Variants in OCA2 observed in about 807,000 individuals in gnomAD.
OCA2 encodes the protein OCA2 melanosomal transmembrane protein, also known as P protein.
OCA2 carries 77 observed loss-of-function variants against 100.2 expected under a neutral mutation model. That is an observed-to-expected ratio of 0.77 (90% CI 0.64 to 0.93). The LOEUF (loss-of-function observed/expected upper bound fraction) is 0.93, where lower values mean the gene tolerates loss of function less well. OCA2 is among the 40% of genes least tolerant of loss of function. OCA2 has a pLI of 0.00. For missense variants in OCA2, 1,062 were observed against 1,089.1 expected (o/e 0.98, Z 0.35); for synonymous variants, 432 against 439.2 (o/e 0.98, Z 0.21).
chr15:27,735,438 G>A, the OCA2 span, among the ~76,000 whole-genome samples: 65,372 of 151,906 alleles, frequency 0.43, 15,417 homozygotes, highest in Non-Finnish European at 0.53. Context: ...AAGGTAGAAA[G>A]GATATTTAAA....
At chr15:27,804,574 A>G (rs2033747673) in intron 23 of OCA2, among the ~76,000 whole-genome samples, 1 of 152,212 alleles carries the variant, frequency 6.6e-6, no homozygotes, top group Admixed American at 6.5e-5. Context: ...CATTATTTAC[A>G]CTGTAGTTTT....
intron 23 of OCA2, among the ~76,000 whole-genome samples, chr15:27,757,735 T>C (rs755550261): frequency 3.7e-4 from 57 of 152,180 alleles, no homozygotes; most frequent in Non-Finnish European, 6.5e-4. Flanking sequence ...ATAAATCCCT[T>C]AGAACAGTGA....
At position 27,876,433 on chromosome 15, in the gene OCA2, T is replaced by C. The variant is rs1017498796; in HGVS notation, c.2080-4511A>G. On this transcript the variant is annotated intron_variant, in intron 19 of 23. Transcript: ENST00000354638. Reference sequence around the variant, plus strand: ...TTTTCACATAATACGTTTGTCTTAATATCAGGGTAATACTAGACCTACAAA... The same window carrying C: ...TTTTCACATAATACGTTTGTCTTAACATCAGGGTAATACTAGACCTACAAA... Among the ~76,000 whole-genome samples, 3 of 152,044 alleles carry C rather than the reference T, an allele frequency of 2.0e-5. No homozygotes were observed. The South Asian group carries it at 6.2e-4, about 31-fold the overall frequency.
the OCA2 span, among the ~76,000 whole-genome samples, chr15:27,744,019 C>T: frequency 6.6e-6 from 1 of 152,164 alleles, no homozygotes; most frequent in Admixed American, 6.5e-5. Flanking sequence ...ACTGCAGAGT[C>T]CATAAAGTAT....
At chr15:27,939,134 T>C (rs1461223855) in intron 18 of OCA2, among the ~76,000 whole-genome samples, 1 of 152,212 alleles carries the variant, frequency 6.6e-6, no homozygotes, top group Non-Finnish European at 1.5e-5. Context: ...TTCTTGACTG[T>C]TAAAACTCAT....
rs115072303 is a variant in OCA2, at chr15:27,766,017, C to T, written c.2433-10545G>A. On this transcript the variant is annotated intron_variant, in intron 23 of 23. Transcript: ENST00000354638. ...CCTCAGCCTCATTTTAAGATGGAGT[C>T]AACCCCTATTTAAGATGGAGTCGCT... Among the ~76,000 whole-genome samples, 1,162 of 152,300 alleles carry T rather than the reference C, an allele frequency of 7.6e-3. 21 individuals carry two copies. The highest frequency in any genetic ancestry group is 0.026 in the African/African-American group (1,075 of 41,556).
intron 14 of OCA2, 62 bp downstream of exon 14, chr15:27,983,283 A>C: frequency 1.1e-4 from 174 of 1,567,930 alleles, no homozygotes; most frequent in East Asian, 1.8e-4. Flanking sequence ...CATGTGGGGT[A>C]GAGCTCTAAC....
chr15:27,797,151 T>A (rs1013539026), intron 23 of OCA2, among the ~76,000 whole-genome samples: 2 of 152,178 alleles, frequency 1.3e-5, no homozygotes, highest in African/African-American at 4.8e-5. Context: ...CAGCTGCTGG[T>A]GAGCGGAAAG....
chr15:27,945,247 CG>C (rs1286970630), intron 18 of OCA2, among the ~76,000 whole-genome samples: 1 of 152,144 alleles, frequency 6.6e-6, no homozygotes, highest in African/African-American at 2.4e-5. Context: ...CACTTGTTCC[CG>C]TCCACCTGCT....
intron 16 of OCA2, among the ~76,000 whole-genome samples, chr15:27,956,345 G>C (rs183546655): frequency 3.8e-4 from 58 of 152,208 alleles, no homozygotes; most frequent in African/African-American, 1.4e-3. Flanking sequence ...GCGAAACTCC[G>C]TCTCAAAAAA....
At chr15:28,097,467 C>G (rs2045007306) in intron 1 of OCA2, among the ~76,000 whole-genome samples, 1 of 152,216 alleles carries the variant, frequency 6.6e-6, no homozygotes, top group South Asian at 2.1e-4. Context: ...AGCCCCTGCC[C>G]CAGATCCTGC....
At chr15:27,867,800 T>A (rs986006722) in intron 21 of OCA2, among the ~76,000 whole-genome samples, 1 of 152,244 alleles carries the variant, frequency 6.6e-6, no homozygotes, top group African/African-American at 2.4e-5. Context: ...TATATATGTA[T>A]GTTAACTGCT....
At chr15:27,904,340 C>T (rs2038085386) in intron 19 of OCA2, among the ~76,000 whole-genome samples, 1 of 152,172 alleles carries the variant, frequency 6.6e-6, no homozygotes, top group South Asian at 2.1e-4. Flanking sequence ...GAAAGACTCC[C>T]GACCATGCTG....
chr15:28,021,962 T>C (rs766021538), intron 6 of OCA2, among the ~76,000 whole-genome samples: 2 of 152,218 alleles, frequency 1.3e-5, no homozygotes, highest in South Asian at 4.2e-4. Flanking sequence ...CTCACTAGAT[T>C]TACATGAACC....
downstream of OCA2, among the ~76,000 whole-genome samples, chr15:27,750,120 C>T (rs1033723547): frequency 3.3e-5 from 5 of 152,214 alleles, no homozygotes; most frequent in African/African-American, 1.2e-4. Flanking sequence ...CTAGTGACTG[C>T]ACCTTGGTTA....
chr15:28,025,309 A>G (rs1273706008), intron 4 of OCA2, among the ~76,000 whole-genome samples: 1 of 152,188 alleles, frequency 6.6e-6, no homozygotes, highest in East Asian at 1.9e-4. Flanking sequence ...TACAGATTTG[A>G]TCATCAAATA....
chr15:27,738,562 C>T, the OCA2 span, among the ~76,000 whole-genome samples: 4 of 152,068 alleles, frequency 2.6e-5, no homozygotes, highest in South Asian at 2.1e-4. Flanking sequence ...GGTGAAACCC[C>T]GTCTCTACTA....
chr15:27,896,801 G>A (rs1046585506), intron 19 of OCA2, among the ~76,000 whole-genome samples: 1 of 152,168 alleles, frequency 6.6e-6, no homozygotes, highest in Non-Finnish European at 1.5e-5. Context: ...TTTTTGAGGA[G>A]AAATTTAAGC....
intron 2 of OCA2, among the ~76,000 whole-genome samples, chr15:28,033,318 T>A: frequency 6.6e-6 from 1 of 152,254 alleles, no homozygotes; most frequent in East Asian, 1.9e-4. Flanking sequence ...ATGCTGTAGA[T>A]GCTATGAAAC....
Sources: allele counts gnomAD v4.1 joint callset (sites outside exome capture counted in the v4.1 genomes callset), GRCh38; gene constraint gnomAD v4.1.1; transcripts MANE v1.5; gene names NCBI Gene and HGNC (gene_info 2026-07-23, HGNC 2026-07-21).